Variants in LRRTM4 observed in about 807,000 individuals in gnomAD.
LRRTM4 encodes the protein leucine-rich repeat transmembrane neuronal protein 4.
In LRRTM4, 25 loss-of-function variants were observed where a neutral mutation model predicts 47.6. That is an observed-to-expected ratio of 0.53 (90% CI 0.38 to 0.73). The LOEUF (loss-of-function observed/expected upper bound fraction) is 0.73, where lower values mean the gene tolerates loss of function less well. Among genes scored for constraint, LRRTM4 ranks in the 30% least tolerant of loss-of-function variants. LRRTM4 has a pLI of 0.00. For missense variants in LRRTM4, 638 were observed against 713.4 expected (o/e 0.89, Z 1.20); for synonymous variants, 311 against 269.5 (o/e 1.15, Z -1.51).
At chr2:77,388,422 G>C (rs1457710157) in intron 3 of LRRTM4, among the ~76,000 whole-genome samples, 1 of 152,062 alleles carries the variant, frequency 6.6e-6, no homozygotes, top group African/African-American at 2.4e-5. Flanking sequence ...ACATTGACAA[G>C]GAGGAAATAA....
At chr2:77,250,185 G>T (rs549211249) in intron 3 of LRRTM4, among the ~76,000 whole-genome samples, 23 of 152,232 alleles carry the variant, frequency 1.5e-4, no homozygotes, top group African/African-American at 5.5e-4. Flanking sequence ...GTATACCATG[G>T]CAGTGCACAG....
intron 3 of LRRTM4, among the ~76,000 whole-genome samples, chr2:76,829,811 T>G (rs1345577457): frequency 6.6e-6 from 1 of 152,084 alleles, no homozygotes; most frequent in Non-Finnish European, 1.5e-5. Context: ...GTGAGACCTC[T>G]GCCTTGCATT....
chr2:76,841,448 A>G (rs908752123), intron 3 of LRRTM4, among the ~76,000 whole-genome samples: 4 of 152,168 alleles, frequency 2.6e-5, no homozygotes, highest in Admixed American at 6.6e-5. Context: ...AAAAAAAATT[A>G]TCATTTCTCT....
intron 3 of LRRTM4, among the ~76,000 whole-genome samples, chr2:76,882,612 G>A (rs552074025): frequency 1.9e-3 from 292 of 152,256 alleles, no homozygotes; most frequent in African/African-American, 6.8e-3. Flanking sequence ...GCTGAGGTGG[G>A]AGGATTCTAC....
intron 3 of LRRTM4, among the ~76,000 whole-genome samples, chr2:77,243,430 A>T (rs967983457): frequency 5.2e-5 from 2 of 38,826 alleles, no homozygotes; most frequent in Admixed American, 2.8e-4. Flanking sequence ...AAAAATAAAA[A>T]AAATAAAAAA....
At chr2:77,444,625 A>G (rs1675977797) in intron 3 of LRRTM4, among the ~76,000 whole-genome samples, 2 of 152,074 alleles carry the variant, frequency 1.3e-5, no homozygotes, top group Admixed American at 1.3e-4. Flanking sequence ...CTTGGGGGAA[A>G]AAACACCAAG....
intron 3 of LRRTM4, among the ~76,000 whole-genome samples, chr2:76,855,844 TG>T (rs1672133257): frequency 1.3e-5 from 2 of 152,090 alleles, no homozygotes; most frequent in South Asian, 4.2e-4. Context: ...CAAATAACGC[TG>T]TTATTGAAGG....
chr2:77,330,031 C>A (rs1670909861), intron 3 of LRRTM4, among the ~76,000 whole-genome samples: 1 of 151,936 alleles, frequency 6.6e-6, no homozygotes, highest in Non-Finnish European at 1.5e-5. Context: ...AGGCAAAGGA[C>A]CATGGAAGGC....
chr2:76,933,375 A>G (rs114553787), intron 3 of LRRTM4, among the ~76,000 whole-genome samples: 2,123 of 152,182 alleles, frequency 0.014, 37 homozygotes, highest in African/African-American at 0.047. Flanking sequence ...TTATTCTCAC[A>G]CGGTCATACA....
chr2:77,072,580 C>A (rs930089629), intron 3 of LRRTM4, among the ~76,000 whole-genome samples: 7 of 151,904 alleles, frequency 4.6e-5, no homozygotes, highest in African/African-American at 1.7e-4. Flanking sequence ...GGCAGATCAC[C>A]TGAAGTCAGA....
intron 3 of LRRTM4, among the ~76,000 whole-genome samples, chr2:77,036,360 T>A (rs1678837964): frequency 6.6e-6 from 1 of 151,768 alleles, no homozygotes; most frequent in Admixed American, 6.6e-5. Context: ...GTTTAGGGTA[T>A]TTCTTCCCCC....
chr2:77,518,484 A>G lies in LRRTM4; in HGVS notation c.1385T>C (p.Leu462Pro). ...ASMKQLQQHS[L>P]MKRRRKKARE... ...GGCCTTTTTCCGCCGCCTCTTCATA[A>G]GAGAGTGTTGCTGGAGTTGTTTCAT... Residue 462 changes from leucine to proline, a missense_variant, in exon 3 of 4, where the codon CTT becomes CCT. Leu to Pro is a moderately conservative substitution (Grantham distance 98, BLOSUM62 -3). Transcript: ENST00000409884. The G allele has an allele frequency of 6.2e-7, 1 of 1,613,430 alleles. No individual in the cohort carries two copies. The highest frequency in any genetic ancestry group is 8.5e-7 in the Non-Finnish European group (1 of 1,179,636).
intron 3 of LRRTM4, among the ~76,000 whole-genome samples, chr2:76,842,127 A>T (rs143788266): frequency 6.6e-6 from 1 of 152,306 alleles, no homozygotes; most frequent in Non-Finnish European, 1.5e-5. Flanking sequence ...ATGGGTGGGC[A>T]ACATCAAATC....
chr2:76,815,493 A>AT (rs1670873137), intron 3 of LRRTM4, among the ~76,000 whole-genome samples: 1 of 152,144 alleles, frequency 6.6e-6, no homozygotes, highest in South Asian at 2.1e-4. Context: ...ATATCTATCA[A>AT]CTGGAATGAC....
chr2:77,509,093 A>C (rs1218476625), intron 3 of LRRTM4, among the ~76,000 whole-genome samples: 4 of 151,886 alleles, frequency 2.6e-5, no homozygotes, highest in Non-Finnish European at 4.4e-5. Context: ...TTAGCCAGGC[A>C]TGGTAGCACA....
chr2:77,169,889 GT>G (rs1384750207), intron 3 of LRRTM4, among the ~76,000 whole-genome samples: 3 of 152,208 alleles, frequency 2.0e-5, no homozygotes, highest in Non-Finnish European at 4.4e-5. Flanking sequence ...TTTGTGTAAA[GT>G]TTTTTTAGGT....
intron 3 of LRRTM4, among the ~76,000 whole-genome samples, chr2:77,509,225 C>T (rs1678889539): frequency 1.6e-5 from 1 of 61,998 alleles, no homozygotes; most frequent in African/African-American, 7.7e-5. Context: ...GAGTGAGACT[C>T]TGTATCAAAA....
chr2:77,478,973 C>A (rs1573469807), intron 3 of LRRTM4, among the ~76,000 whole-genome samples: 1 of 152,172 alleles, frequency 6.6e-6, no homozygotes, highest in African/African-American at 2.4e-5. Flanking sequence ...AGGCTCACTG[C>A]AACCTCCGCC....
At chr2:77,496,502 CT>C (rs1678369695) in intron 3 of LRRTM4, among the ~76,000 whole-genome samples, 1 of 151,752 alleles carries the variant, frequency 6.6e-6, no homozygotes, top group Non-Finnish European at 1.5e-5. Flanking sequence ...AAGTTCCCTG[CT>C]ATTCCTATTT....
Sources: gnomAD v4.1 joint callset for allele counts (sites outside exome capture counted in the v4.1 genomes callset) on GRCh38, gnomAD v4.1.1 for gene constraint, MANE v1.5 for transcripts, NCBI Gene and HGNC (gene_info 2026-07-23, HGNC 2026-07-21) for gene names.